The following SRRM4 variants were observed in gnomAD, a reference collection of about 807,000 sequenced individuals.
The protein encoded by SRRM4 is serine/arginine repetitive matrix protein 4.
In SRRM4, 33 loss-of-function variants were observed where a neutral mutation model predicts 68.9. The ratio of observed to expected loss-of-function variants is 0.48; its 90% CI spans 0.36 to 0.64. The LOEUF is 0.64. SRRM4 is among the 30% of genes least tolerant of loss of function. The pLI is 0.00. For missense variants in SRRM4, 817 were observed against 827.1 expected, an observed-to-expected ratio of 0.99 and a Z score of 0.15; for synonymous variants, 318 against 318.8, an observed-to-expected ratio of 1.00 and a Z score of 0.03.
intron 1 of SRRM4, among the ~76,000 whole-genome samples, chr12:119,088,817 G>T (rs1270353903): frequency 6.6e-6 from 1 of 152,162 alleles, no homozygotes; most frequent in African/African-American, 2.4e-5. Context: ...AAGCCAGAGA[G>T]GTTGGAAGAC....
intron 1 of SRRM4, among the ~76,000 whole-genome samples, chr12:119,016,389 T>C (rs1953481129): frequency 6.6e-6 from 1 of 151,582 alleles, no homozygotes; most frequent in Non-Finnish European, 1.5e-5. Flanking sequence ...TGAGGGGGAC[T>C]CTTCCTGGAA....
rs182114861 is a variant in SRRM4, at chr12:119,088,776, G to A, written c.132-13460G>A. On this transcript the variant is annotated intron_variant, in intron 1 of 12. Transcript: ENST00000267260. Reference sequence around the variant, plus strand: ...TCTCCTGACAGACAAGGGTAGAGAAGGCACTCTGGGCAGAGGGATCAGCTT... The same window carrying A: ...TCTCCTGACAGACAAGGGTAGAGAAAGCACTCTGGGCAGAGGGATCAGCTT... Among the ~76,000 whole-genome samples, 75 of 152,278 alleles carry A rather than the reference G, an allele frequency of 4.9e-4. 1 individual carries two copies. The highest frequency in any genetic ancestry group is 7.5e-4 in the Non-Finnish European group (51 of 68,022).
At chr12:119,111,060 C>T (rs1954140165) in intron 2 of SRRM4, among the ~76,000 whole-genome samples, 1 of 152,228 alleles carries the variant, frequency 6.6e-6, no homozygotes, top group African/African-American at 2.4e-5. Flanking sequence ...CCAAGGTGTG[C>T]TTAACTACCA....
chr12:119,108,173 T>C (rs1954118944), intron 2 of SRRM4, among the ~76,000 whole-genome samples: 1 of 152,260 alleles, frequency 6.6e-6, no homozygotes, highest in African/African-American at 2.4e-5. Context: ...CACTGTGGTC[T>C]GAGAGACAGT....
intron 10 of SRRM4, among the ~76,000 whole-genome samples, chr12:119,152,794 C>G (rs772745401): frequency 2.9e-4 from 44 of 152,174 alleles, no homozygotes; most frequent in Non-Finnish European, 5.9e-4. Flanking sequence ...TATTCCTGCC[C>G]CTGTTTTCTA....
intron 1 of SRRM4, among the ~76,000 whole-genome samples, chr12:119,076,478 GC>G (rs1325334445): frequency 6.6e-6 from 1 of 152,180 alleles, no homozygotes; most frequent in Non-Finnish European, 1.5e-5. Flanking sequence ...CATTCACATG[GC>G]TTTGTCTCTT....
chr12:119,140,663 G>A lies in SRRM4; in HGVS notation c.772-4718G>A, dbSNP rs1954359618. 2.0e-5 allele frequency among the ~76,000 whole-genome samples: 3 copies of A among 152,220 alleles called. No homozygotes were observed. The South Asian group carries it at 6.2e-4, about 32-fold the overall frequency. On this transcript the variant is annotated intron_variant, in intron 8 of 12. Transcript: ENST00000267260. Reference sequence around the variant, plus strand: ...TTGAGCTCCCATAGTAGCAGAGAGTGGAATAAGAAGTAAGAAGACCCAGCA... The same window carrying A: ...TTGAGCTCCCATAGTAGCAGAGAGTAGAATAAGAAGTAAGAAGACCCAGCA...
intron 10 of SRRM4, among the ~76,000 whole-genome samples, chr12:119,152,998 C>T (rs1280243094): frequency 6.6e-6 from 1 of 152,216 alleles, no homozygotes; most frequent in African/African-American, 2.4e-5. Flanking sequence ...AGTGCATCAT[C>T]TCTCTGTGCC....
At chr12:119,143,042 G>A (rs1467431806) in intron 8 of SRRM4, among the ~76,000 whole-genome samples, 1 of 152,232 alleles carries the variant, frequency 6.6e-6, no homozygotes, top group Non-Finnish European at 1.5e-5. Flanking sequence ...GCTATCCAGT[G>A]TGCCATGCAG....
intron 2 of SRRM4, among the ~76,000 whole-genome samples, chr12:119,110,726 C>T (rs1011298141): frequency 4.6e-5 from 7 of 152,186 alleles, no homozygotes; most frequent in South Asian, 2.1e-4. Flanking sequence ...CCCTCTGTCA[C>T]GGCTTCCCTT....
chr12:119,025,436 T>TTG (rs1555214475), intron 1 of SRRM4, among the ~76,000 whole-genome samples: 7 of 151,180 alleles, frequency 4.6e-5, no homozygotes, highest in East Asian at 3.9e-4. Flanking sequence ...GAGTTTTTTT[T>TTG]TTTGTTTGTT....
intron 1 of SRRM4, among the ~76,000 whole-genome samples, chr12:119,052,986 A>C (rs1953754540): frequency 6.6e-6 from 1 of 152,222 alleles, no homozygotes; most frequent in Non-Finnish European, 1.5e-5. Flanking sequence ...GCTGCATAGA[A>C]GCAGAATGAA....
chr12:118,983,294 G>A (rs1171100102), intron 1 of SRRM4, among the ~76,000 whole-genome samples: 1 of 152,146 alleles, frequency 6.6e-6, no homozygotes, highest in Non-Finnish European at 1.5e-5. Flanking sequence ...GGAATGGGTG[G>A]CCAAGCATCA....
At chr12:119,035,138 T>C (rs1230223241) in intron 1 of SRRM4, among the ~76,000 whole-genome samples, 1 of 152,194 alleles carries the variant, frequency 6.6e-6, no homozygotes, top group Admixed American at 6.5e-5. Flanking sequence ...AACCCTTGCA[T>C]TTAAAAAAAA....
Position 118,981,897 on chromosome 12 carries a change from G to A in SRRM4, c.15G>A (p.Gln5=), listed in dbSNP as rs756861920. The change falls in exon 1 of 13, where the codon CAG becomes CAA. Residue 5 remains glutamine (Q), a synonymous_variant. Coordinates refer to ENST00000267260, the MANE Select transcript of SRRM4 (RefSeq NM_194286.4). The part of the protein sequence containing the change: MASV[Q]QGEKQLFEKF... ...TTGGGTTGGCGATGGCGAGCGTTCA[G>A]CAAGGCGAGAAGCAGCTTTTTGAGA... 6.2e-7 allele frequency: 1 copy of A among 1,613,652 alleles called. No homozygotes were observed. The highest frequency in any genetic ancestry group is 8.5e-7 in the Non-Finnish European group (1 of 1,179,790).
chr12:119,063,072 T>G (rs1953824401), intron 1 of SRRM4, among the ~76,000 whole-genome samples: 1 of 152,226 alleles, frequency 6.6e-6, no homozygotes, highest in African/African-American at 2.4e-5. Flanking sequence ...TTAACTTCAA[T>G]GGTTTACGTT....
intron 1 of SRRM4, among the ~76,000 whole-genome samples, chr12:118,988,531 GAAC>G (rs755594383): frequency 6.6e-6 from 1 of 152,268 alleles, no homozygotes; most frequent in Non-Finnish European, 1.5e-5. Context: ...TGCATTCCAT[GAAC>G]AACCACCAGT....
intron 1 of SRRM4, among the ~76,000 whole-genome samples, chr12:119,042,073 G>A (rs1056364891): frequency 2.6e-5 from 4 of 152,060 alleles, no homozygotes; most frequent in South Asian, 2.1e-4. Flanking sequence ...TTCATTTCGC[G>A]GATGACAAGA....
chr12:119,096,883 G>T (rs1013051899), intron 1 of SRRM4, among the ~76,000 whole-genome samples: 1 of 152,218 alleles, frequency 6.6e-6, no homozygotes, highest in Non-Finnish European at 1.5e-5. Flanking sequence ...AGGGAGCCAG[G>T]CCTCTTGAGG....
Sources: allele counts gnomAD v4.1 joint callset (sites outside exome capture counted in the v4.1 genomes callset), GRCh38; gene constraint gnomAD v4.1.1; transcripts MANE v1.5; gene names NCBI Gene and HGNC (gene_info 2026-07-23, HGNC 2026-07-21).